The following AOPEP variants were observed in gnomAD, a reference collection of about 807,000 sequenced individuals.
AOPEP encodes the protein aminopeptidase O.
AOPEP carries 77 observed loss-of-function variants against 98.1 expected under a neutral mutation model. That is an observed-to-expected ratio of 0.78 (90% CI 0.65 to 0.95). The LOEUF (loss-of-function observed/expected upper bound fraction) is 0.95. Ranked by LOEUF, AOPEP falls within the 40% of genes least tolerant of loss-of-function variation. The probability of loss-of-function intolerance (pLI) is 0.00; values close to 1 mark genes in which losing one functional copy is unlikely to be tolerated. For synonymous variants in AOPEP, 346 were observed against 365.3 expected, an observed-to-expected ratio of 0.95 and a Z score of 0.60; for missense variants, 1,024 against 1,024.7, an observed-to-expected ratio of 1.00 and a Z score of 0.01.
chr9:95,004,831 C>A, intron 11 of AOPEP: 2 of 147,914 alleles, frequency 1.4e-5, no homozygotes, highest in South Asian at 3.7e-4. Flanking sequence ...GCACGCCGTT[C>A]GTGGGGAGAA....
chr9:95,134,278 A>G, the AOPEP span, among the ~76,000 whole-genome samples: 2 of 152,238 alleles, frequency 1.3e-5, no homozygotes, highest in Non-Finnish European at 2.9e-5. Context: ...GAAAGAACAC[A>G]GAAGTCCCAA....
intron 14 of AOPEP, among the ~76,000 whole-genome samples, chr9:95,071,889 G>A (rs111664979): frequency 3.9e-4 from 60 of 152,268 alleles, no homozygotes; most frequent in African/African-American, 1.4e-3. Flanking sequence ...ATGTTTCCTT[G>A]TACAGAGGAA....
chr9:94,797,720 T>C (rs1164342540), intron 4 of AOPEP, among the ~76,000 whole-genome samples: 4 of 151,244 alleles, frequency 2.6e-5, no homozygotes, highest in African/African-American at 9.7e-5. Flanking sequence ...TTTTTTTTTT[T>C]TGAGACAGAG....
chr9:94,808,066 G>A (rs113785239), intron 5 of AOPEP, among the ~76,000 whole-genome samples: 9,502 of 148,274 alleles, frequency 0.064, 1,021 homozygotes, highest in African/African-American at 0.22. Flanking sequence ...TTTTTGAGAC[G>A]GAGTCTCACT....
Position 95,005,181 on chromosome 9 carries a change from C to T in AOPEP, c.2001C>T (p.Ala667=), listed in dbSNP as rs1187080337. ...AGCCGCTGCAGAGGGAGCGTCGCGC[C>T]GGGGCGGAGTGCGGGCTTGCGCGGC... ...IPKPLQRERR[A]GAECGLARQV... Residue 667 remains alanine (A), a synonymous_variant, in exon 12 of 17, where the codon GCC becomes GCT. Transcript: ENST00000375315. 1 of 1,151,392 alleles carries T rather than the reference C, an allele frequency of 8.7e-7. No individual in the cohort carries two copies. 71.3% of individuals were successfully genotyped at this position (1,151,392 alleles called of 1,614,324 possible).
chr9:95,028,565 A>G (rs761592924), intron 13 of AOPEP, among the ~76,000 whole-genome samples: 41 of 152,342 alleles, frequency 2.7e-4, no homozygotes, highest in Non-Finnish European at 5.1e-4. Context: ...TGAAGGGTAA[A>G]TCTGGGAAGA....
intron 13 of AOPEP, among the ~76,000 whole-genome samples, chr9:95,008,499 C>T (rs1222893755): frequency 1.3e-5 from 2 of 152,134 alleles, no homozygotes; most frequent in African/African-American, 4.8e-5. Flanking sequence ...AAGAAAATCT[C>T]GAAGGTGCTG....
chr9:94,882,619 T>C (rs1564315509), intron 5 of AOPEP, among the ~76,000 whole-genome samples: 1 of 152,048 alleles, frequency 6.6e-6, no homozygotes, highest in Non-Finnish European at 1.5e-5. Context: ...CTACTAAAAA[T>C]ACAAAAATTA....
chr9:95,046,093 T>G (rs1326628592), intron 13 of AOPEP, among the ~76,000 whole-genome samples: 1 of 152,148 alleles, frequency 6.6e-6, no homozygotes, highest in East Asian at 1.9e-4. Flanking sequence ...GGCCACTGAT[T>G]CAACTTCCGA....
intron 13 of AOPEP, among the ~76,000 whole-genome samples, chr9:95,014,945 A>G (rs1158626273): frequency 6.6e-6 from 1 of 152,254 alleles, no homozygotes; most frequent in Non-Finnish European, 1.5e-5. Flanking sequence ...AAAATACCAA[A>G]GAGACATGAG....
Position 94,930,078 on chromosome 9 carries a change from C to T in AOPEP, c.1661+1547C>T, listed in dbSNP as rs777599119. On this transcript the variant is annotated intron_variant, in intron 7 of 16. Transcript: ENST00000375315. The surrounding 1 kb of genome is among the most constrained non-coding windows in gnomAD (Gnocchi z 4.5). ...TGGTATGATCTGCTCAGTATTTGGACGGTGCTGCTCTGCTGCTGTGTGGAG... is the reference window on the plus strand; with the variant it reads ...TGGTATGATCTGCTCAGTATTTGGATGGTGCTGCTCTGCTGCTGTGTGGAG... Among the ~76,000 whole-genome samples the T allele has an allele frequency of 1.3e-5, 2 of 152,192 alleles. No homozygotes were observed. Among genetic ancestry groups the T allele is most frequent in the Non-Finnish European group, 2.9e-5 (2 of 68,042 alleles).
At chr9:95,003,998 A>G (rs1244277808) in intron 11 of AOPEP, 2 of 309,026 alleles carry the variant, frequency 6.5e-6, no homozygotes, top group Non-Finnish European at 1.3e-5. Flanking sequence ...AAAATACTCC[A>G]TGGCAAAGTT....
intron 5 of AOPEP, among the ~76,000 whole-genome samples, chr9:94,828,901 C>T (rs968692155): frequency 6.7e-5 from 10 of 148,206 alleles, no homozygotes; most frequent in Admixed American, 2.0e-4. Flanking sequence ...TGGAGGCTTG[C>T]TCTGTTGTCC....
the AOPEP span, among the ~76,000 whole-genome samples, chr9:95,094,616 A>G: frequency 1.3e-5 from 2 of 152,310 alleles, no homozygotes; most frequent in East Asian, 3.9e-4. Flanking sequence ...TTCATTTAAC[A>G]TAAAGTCTTC....
intron 16 of AOPEP, chr9:95,086,172 C>T (rs756248902): frequency 9.4e-5 from 125 of 1,325,628 alleles, no homozygotes; most frequent in East Asian, 2.0e-4. Flanking sequence ...GCAGACAGGC[C>T]CGCGTCCACC....
chr9:94,980,202 T>C lies in AOPEP; in HGVS notation c.1977+775T>C, dbSNP rs867898019. Among the ~76,000 whole-genome samples the C allele has an allele frequency of 1.9e-4, 29 of 152,312 alleles. No individual in the cohort carries two copies. Among genetic ancestry groups the C allele is most frequent in the Middle Eastern group, 3.4e-3 (1 of 294 alleles). ...GCCCAGGCCCCTTCGCCAAATCAAA[T>C]GCTGGCCATGGCAAGCCTAGGCCCT... On this transcript the variant is annotated intron_variant, in intron 11 of 16. Transcript: ENST00000375315. The surrounding 1 kb of genome is among the most constrained non-coding windows in gnomAD (Gnocchi z 4.3).
intron 5 of AOPEP, among the ~76,000 whole-genome samples, chr9:94,842,379 CAACA>C (rs926004292): frequency 5.3e-5 from 8 of 152,072 alleles, no homozygotes; most frequent in African/African-American, 9.6e-5. Flanking sequence ...AGAAAAACAA[CAACA>C]AACAAACAAA....
At chr9:95,056,865 T>C (rs1223882608) in intron 13 of AOPEP, among the ~76,000 whole-genome samples, 4 of 152,214 alleles carry the variant, frequency 2.6e-5, no homozygotes, top group Non-Finnish European at 5.9e-5. Context: ...TTATTTCTTG[T>C]ACTCATTTCA....
intron 13 of AOPEP, chr9:95,056,642 C>T (rs1261703925): frequency 6.6e-6 from 1 of 152,134 alleles, no homozygotes; most frequent in South Asian, 2.1e-4. Flanking sequence ...TTCATATTTT[C>T]TTTCCAGGAG....
Sources: allele counts gnomAD v4.1 joint callset (sites outside exome capture counted in the v4.1 genomes callset), GRCh38; gene constraint gnomAD v4.1.1; non-coding constraint Gnocchi (gnomAD v3.1); transcripts MANE v1.5; gene names NCBI Gene and HGNC (gene_info 2026-07-23, HGNC 2026-07-21).